Variants in CCDC63 observed in about 807,000 individuals in gnomAD.
The protein encoded by CCDC63 is coiled-coil domain-containing protein 63.
CCDC63 carries 54 observed loss-of-function variants against 63.6 expected under a neutral mutation model. The ratio of observed to expected loss-of-function variants is 0.85; its 90% CI spans 0.68 to 1.07. CCDC63 has a LOEUF of 1.07. Among genes scored for constraint, CCDC63 ranks in the 50% least tolerant of loss-of-function variants. The probability of loss-of-function intolerance (pLI) is 0.00; values close to 1 mark genes in which losing one functional copy is unlikely to be tolerated. For synonymous variants in CCDC63, 253 were observed against 266.1 expected (o/e 0.95, Z 0.48); for missense variants, 637 against 689.6 (o/e 0.92, Z 0.86).
chr12:110,898,635 A>T (rs1187288023), intron 9 of CCDC63, among the ~76,000 whole-genome samples: 1 of 149,388 alleles, frequency 6.7e-6, no homozygotes, highest in Non-Finnish European at 1.5e-5. Context: ...AAAAAAAAAA[A>T]TTCGTAATCC....
chr12:110,899,271 G>C (rs972758310), intron 10 of CCDC63, 146 bp downstream of exon 10: 1 of 670,128 alleles, frequency 1.5e-6, no homozygotes, highest in East Asian at 2.9e-5. Flanking sequence ...TTTGAATCCT[G>C]GGTCTACACT....
chr12:110,853,532 AGT>A lies in CCDC63; in HGVS notation c.138_139del (p.Lys46AsnfsTer3). On this transcript the variant is annotated frameshift_variant, in exon 3 of 12. Coordinates refer to ENST00000308208, the MANE Select transcript of CCDC63 (RefSeq NM_152591.3). LOFTEE classifies it high-confidence loss of function. ...TTCAGGAAGATGGTGGAAAGCCGGAAGTCTTTTAAGTTCCGAAACCAGCAGAA... is the reference window on the plus strand; with the variant it reads ...TTCAGGAAGATGGTGGAAAGCCGGAACTTTTAAGTTCCGAAACCAGCAGAA... The A allele has an allele frequency of 6.2e-7, 1 of 1,614,228 alleles. No homozygotes were observed. The highest frequency in any genetic ancestry group is 8.5e-7 in the Non-Finnish European group (1 of 1,180,044).
At chr12:110,869,894 C>G (rs1387380840) in intron 4 of CCDC63, among the ~76,000 whole-genome samples, 4 of 152,112 alleles carry the variant, frequency 2.6e-5, no homozygotes, top group Admixed American at 2.0e-4. Flanking sequence ...ATTTATTTAT[C>G]AATTATTTTT....
chr12:110,896,368 C>A (rs535190804), intron 9 of CCDC63, among the ~76,000 whole-genome samples: 1 of 152,284 alleles, frequency 6.6e-6, no homozygotes, highest in East Asian at 1.9e-4. Flanking sequence ...GGGAACTAAA[C>A]ATTCTAGTAG....
rs200569386 is a variant in CCDC63 at position 110,873,914 on chromosome 12, C to T, written c.442C>T (p.Arg148Trp). The part of the protein sequence containing the change: ...FAKMQEANNP[R>W]KLQKQIHILE... ...AAAAATGCAGGAGGCCAATAACCCC[C>T]GGAAACTGCAGAAACAGATTCACAT... The change falls in exon 5 of 12, where the codon CGG becomes TGG. Residue 148 changes from arginine (R) to tryptophan (W), a missense_variant. By Grantham distance (101) the Arg-to-Trp change is moderately radical (BLOSUM62 -3). Coordinates refer to ENST00000308208, the MANE Select transcript of CCDC63 (RefSeq NM_152591.3). 556 of 1,612,246 alleles carry T rather than the reference C, an allele frequency of 3.4e-4. 1 individual carries two copies. The highest frequency in any genetic ancestry group is 4.2e-4 in the Non-Finnish European group (500 of 1,179,540).
At chr12:110,862,760 T>C (rs547970196) in intron 4 of CCDC63, among the ~76,000 whole-genome samples, 1 of 151,748 alleles carries the variant, frequency 6.6e-6, no homozygotes, top group South Asian at 2.1e-4. Flanking sequence ...TCTTTTCTTT[T>C]TTTTTTTCTT....
upstream of CCDC63, among the ~76,000 whole-genome samples, chr12:110,844,511 G>A (rs2070619310): frequency 6.6e-6 from 1 of 152,122 alleles, no homozygotes; most frequent in South Asian, 2.1e-4. Flanking sequence ...CATCCATAAG[G>A]GTAGAAAAGC....
intron 4 of CCDC63, among the ~76,000 whole-genome samples, chr12:110,869,946 G>A (rs1235137846): frequency 6.6e-6 from 1 of 152,124 alleles, no homozygotes; most frequent in Non-Finnish European, 1.5e-5. Context: ...TTTACGGAAT[G>A]GTTACAAAGA....
Position 110,881,178 on chromosome 12 carries a change from C to A in CCDC63, c.735C>A (p.Tyr245Ter). 1 of 1,613,474 alleles carries A rather than the reference C, an allele frequency of 6.2e-7. No individual in the cohort carries two copies. Among genetic ancestry groups the A allele is most frequent in the Non-Finnish European group, 8.5e-7 (1 of 1,179,948 alleles). The change falls in exon 7 of 12, where the codon TAC becomes TAA. Residue 245 changes from tyrosine (Y) to a stop codon, truncating the protein, a stop_gained. Transcript: ENST00000308208. LOFTEE classifies it high-confidence loss of function. Reference sequence around the variant, plus strand: ...GCCAGAAGAAGGACACCTCTCAGTACAACCTGGAGATCCGAGAGCTGGAGC... The same window carrying A: ...GCCAGAAGAAGGACACCTCTCAGTAAAACCTGGAGATCCGAGAGCTGGAGC... ...KDRQKKDTSQ[Y>*]NLEIRELERL...
chr12:110,877,412 C>T (rs969136433), intron 5 of CCDC63, among the ~76,000 whole-genome samples: 9 of 152,164 alleles, frequency 5.9e-5, no homozygotes, highest in Admixed American at 2.0e-4. Flanking sequence ...CAGGGTTTCA[C>T]CATGTTGGTC....
chr12:110,902,504 T>A, intron 10 of CCDC63, among the ~76,000 whole-genome samples: 1 of 151,990 alleles, frequency 6.6e-6, no homozygotes, highest in East Asian at 1.9e-4. Context: ...CATTCTCAAA[T>A]CTCAGTTTCA....
At chr12:110,868,554 AC>A (rs2071010395) in intron 4 of CCDC63, among the ~76,000 whole-genome samples, 2 of 150,898 alleles carry the variant, frequency 1.3e-5, no homozygotes, top group South Asian at 4.2e-4. Flanking sequence ...ACACAGCGAA[AC>A]CCCGTCTCCA....
intron 3 of CCDC63, among the ~76,000 whole-genome samples, chr12:110,857,282 C>G (rs747822605): frequency 3.3e-5 from 5 of 151,956 alleles, no homozygotes; most frequent in Middle Eastern, 3.4e-3. Context: ...CCCACCACCC[C>G]CCCCGGCTAA....
chr12:110,862,061 C>T (rs944120634), intron 4 of CCDC63, among the ~76,000 whole-genome samples: 1 of 152,170 alleles, frequency 6.6e-6, no homozygotes, highest in Non-Finnish European at 1.5e-5. Context: ...TCATCACCCA[C>T]CCCTGCTGTC....
At chr12:110,880,940 A>G (rs1469573138) in intron 6 of CCDC63, among the ~76,000 whole-genome samples, 175 bp from the exon 7 acceptor site, 3 of 151,422 alleles carry the variant, frequency 2.0e-5, no homozygotes, top group Non-Finnish European at 4.4e-5. Context: ...AGTGATCTAG[A>G]GCTTACAGCT....
intron 11 of CCDC63, among the ~76,000 whole-genome samples, chr12:110,906,017 A>AT (rs2071571473): frequency 2.0e-5 from 1 of 51,124 alleles, no homozygotes; most frequent in Non-Finnish European, 3.8e-5. Context: ...ATAATATAAT[A>AT]TATATTATAT....
intron 5 of CCDC63, among the ~76,000 whole-genome samples, chr12:110,877,445 C>T (rs944306273): frequency 4.6e-5 from 7 of 152,008 alleles, no homozygotes; most frequent in Non-Finnish European, 8.8e-5. Flanking sequence ...AACGCCTGAC[C>T]TCACTCAGGT....
intron 3 of CCDC63, among the ~76,000 whole-genome samples, chr12:110,856,189 G>A (rs2070767852): frequency 6.6e-6 from 1 of 150,474 alleles, no homozygotes; most frequent in Admixed American, 6.7e-5. Context: ...AGGTTCAAGC[G>A]ATTCTCCTGC....
chr12:110,865,270 C>T (rs2136664880), intron 4 of CCDC63, among the ~76,000 whole-genome samples: 1 of 152,246 alleles, frequency 6.6e-6, no homozygotes, highest in South Asian at 2.1e-4. Context: ...CTGGGCACTT[C>T]TTGCTGCCTA....
Sources: gnomAD v4.1 joint callset for allele counts (sites outside exome capture counted in the v4.1 genomes callset) on GRCh38, gnomAD v4.1.1 for gene constraint, MANE v1.5 for transcripts, NCBI Gene and HGNC (gene_info 2026-07-23, HGNC 2026-07-21) for gene names.